The following SYNPR variants were observed in gnomAD, a reference collection of about 807,000 sequenced individuals.
The protein encoded by SYNPR is synaptoporin.
Under a neutral mutation model 32.9 loss-of-function variants are expected in SYNPR, and 23 were observed. That is an observed-to-expected ratio of 0.70 (90% CI 0.50 to 0.99). The LOEUF (loss-of-function observed/expected upper bound fraction) is 0.99. SYNPR is among the 50% of genes least tolerant of loss of function. The pLI is 0.00. For synonymous variants in SYNPR, 146 were observed against 135.9 expected (o/e 1.07, Z -0.52); for missense variants, 318 against 349.3 (o/e 0.91, Z 0.71).
In SYNPR at chr3:63,536,727, C is replaced by G. The variant is rs538191313; in HGVS notation, c.210-19816C>G. Among the ~76,000 whole-genome samples the G allele has an allele frequency of 3.3e-5, 5 of 152,216 alleles. No homozygotes were observed. In the South Asian group the frequency reaches 6.2e-4, roughly 19 times the overall value. On this transcript the variant is annotated intron_variant, in intron 3 of 5. Coordinates refer to ENST00000478300, the MANE Select transcript of SYNPR (RefSeq NM_001130003.2). The stretch of plus-strand genomic sequence containing the variant: ...CTCAAAATGGAAACAACTCAAATAT[C>G]TACCAATTGATGAATGAATTTTTTA...
At chr3:63,232,988 G>A (rs1286767151) in intron 1 of SYNPR, among the ~76,000 whole-genome samples, 4 of 152,168 alleles carry the variant, frequency 2.6e-5, no homozygotes, top group Non-Finnish European at 5.9e-5. Flanking sequence ...CTCTAGTGGT[G>A]ACTAGAACTT....
intron 2 of SYNPR, among the ~76,000 whole-genome samples, chr3:63,332,007 T>C (rs1018943054): frequency 6.6e-6 from 1 of 152,228 alleles, no homozygotes; most frequent in Non-Finnish European, 1.5e-5. Flanking sequence ...TGTCTTCGAC[T>C]GGTAGGCAGT....
chr3:63,360,104 C>G (rs1043498970), intron 2 of SYNPR, among the ~76,000 whole-genome samples: 6 of 152,312 alleles, frequency 3.9e-5, no homozygotes, highest in African/African-American at 1.4e-4. Flanking sequence ...TCATAAGTGT[C>G]TCAGATTAAT....
chr3:63,235,650 T>C (rs2086195903), intron 1 of SYNPR, among the ~76,000 whole-genome samples: 1 of 152,176 alleles, frequency 6.6e-6, no homozygotes, highest in African/African-American at 2.4e-5. Context: ...TAATAACTCC[T>C]ACCTCTCTCC....
chr3:63,533,636 G>A (rs919407051), intron 3 of SYNPR, among the ~76,000 whole-genome samples: 1 of 152,054 alleles, frequency 6.6e-6, no homozygotes, highest in Non-Finnish European at 1.5e-5. Context: ...AAACATACAG[G>A]AAACAAAGCG....
At chr3:63,613,285 G>T (rs888144281) in intron 5 of SYNPR, among the ~76,000 whole-genome samples, 2 of 151,770 alleles carry the variant, frequency 1.3e-5, no homozygotes, top group African/African-American at 4.8e-5. Context: ...AAAATATTCT[G>T]GTTACCATGC....
At chr3:63,263,593 C>G (rs1343001278) in intron 2 of SYNPR, among the ~76,000 whole-genome samples, 1 of 152,174 alleles carries the variant, frequency 6.6e-6, no homozygotes, top group South Asian at 2.1e-4. Flanking sequence ...GCAGCTTTAC[C>G]AAGGATAGAG....
intron 3 of SYNPR, among the ~76,000 whole-genome samples, chr3:63,510,924 T>TG (rs1701685290): frequency 7.7e-6 from 1 of 130,424 alleles, no homozygotes; most frequent in South Asian, 2.5e-4. Flanking sequence ...ACTGTGTGTG[T>TG]GTGTGTGTGT....
intron 2 of SYNPR, among the ~76,000 whole-genome samples, chr3:63,316,068 C>A (rs1329201603): frequency 6.6e-6 from 1 of 151,842 alleles, no homozygotes; most frequent in African/African-American, 2.4e-5. Context: ...TTAAACCATC[C>A]CTGCATCCCT....
At chr3:63,274,855 A>G (rs992589953), upstream of SYNPR, among the ~76,000 whole-genome samples, 1 of 152,186 alleles carries the variant, frequency 6.6e-6, no homozygotes, top group Non-Finnish European at 1.5e-5. Flanking sequence ...CGTTGTGACA[A>G]TCAAAATGTC....
intron 2 of SYNPR, among the ~76,000 whole-genome samples, chr3:63,365,202 G>A (rs2087716643): frequency 6.6e-6 from 1 of 152,162 alleles, no homozygotes; most frequent in Non-Finnish European, 1.5e-5. Context: ...AAGTTCAACT[G>A]TATAATTTGT....
At chr3:63,610,346 C>G (rs1700182000) in intron 5 of SYNPR, 1 of 478,410 alleles carries the variant, frequency 2.1e-6, no homozygotes, top group Non-Finnish European at 3.8e-6. Flanking sequence ...AATACATAAG[C>G]TATAATGGCA....
intron 4 of SYNPR, among the ~76,000 whole-genome samples, chr3:63,560,801 AG>A (rs1160951553): frequency 6.6e-5 from 10 of 152,236 alleles, no homozygotes; most frequent in East Asian, 1.9e-4. Context: ...TGAGAACAGC[AG>A]GGGGGGAACC....
intron 2 of SYNPR, among the ~76,000 whole-genome samples, chr3:63,326,112 C>G (rs1348234652): frequency 6.6e-6 from 1 of 152,000 alleles, no homozygotes; most frequent in African/African-American, 2.4e-5. Flanking sequence ...GTTGACAATT[C>G]AAGTTTGCCA....
intron 4 of SYNPR, among the ~76,000 whole-genome samples, chr3:63,596,257 C>A (rs1374472415): frequency 7.1e-6 from 1 of 140,478 alleles, no homozygotes; most frequent in African/African-American, 2.6e-5. Flanking sequence ...TCAATTCCTT[C>A]CCCCCTTCTT....
intron 2 of SYNPR, among the ~76,000 whole-genome samples, chr3:63,279,894 G>A (rs2086612425): frequency 6.6e-6 from 1 of 152,184 alleles, no homozygotes; most frequent in Non-Finnish European, 1.5e-5. Flanking sequence ...GCTTTTGGAA[G>A]GCTTGAATTA....
chr3:63,399,399 T>A (rs1268590688), intron 2 of SYNPR, among the ~76,000 whole-genome samples: 2 of 152,198 alleles, frequency 1.3e-5, no homozygotes, highest in African/African-American at 4.8e-5. Flanking sequence ...GAATGTGGCC[T>A]TGGGAAATAA....
chr3:63,571,232 A>G (rs1215537576), intron 4 of SYNPR, among the ~76,000 whole-genome samples: 3 of 152,174 alleles, frequency 2.0e-5, no homozygotes, highest in Non-Finnish European at 4.4e-5. Flanking sequence ...TTAAAGTTTT[A>G]CTGTTGTGCA....
intron 2 of SYNPR, among the ~76,000 whole-genome samples, chr3:63,410,913 T>G (rs778681637): frequency 6.6e-6 from 1 of 152,156 alleles, no homozygotes; most frequent in Non-Finnish European, 1.5e-5. Context: ...ATAGTACCAA[T>G]GGCAGGGCAG....
Sources: gnomAD v4.1 joint callset for allele counts (sites outside exome capture counted in the v4.1 genomes callset) on GRCh38, gnomAD v4.1.1 for gene constraint, MANE v1.5 for transcripts, NCBI Gene and HGNC (gene_info 2026-07-23, HGNC 2026-07-21) for gene names.